The following SCPEP1 variants were observed in gnomAD, a reference collection of about 807,000 sequenced individuals.
SCPEP1 encodes serine carboxypeptidase 1.
In SCPEP1, 51 loss-of-function variants were observed where a neutral mutation model predicts 63.8. The observed-to-expected ratio is 0.80, with a 90% confidence interval of 0.64 to 1.01. The LOEUF (loss-of-function observed/expected upper bound fraction) is 1.01, where lower values mean the gene tolerates loss of function less well. SCPEP1 is among the 50% of genes least tolerant of loss of function. The pLI, the probability that SCPEP1 is intolerant of heterozygous loss-of-function variation, is 0.00. For missense variants in SCPEP1, 499 were observed against 554.9 expected (o/e 0.90, Z 1.01); for synonymous variants, 204 against 207.8 (o/e 0.98, Z 0.16).
chr17:56,999,489 A>AC (rs1398566882), intron 10 of SCPEP1, among the ~76,000 whole-genome samples: 1 of 152,116 alleles, frequency 6.6e-6, no homozygotes, highest in East Asian at 1.9e-4. Flanking sequence ...TGTTCAAGAT[A>AC]CCCCAAGGAT....
At chr17:57,004,087 T>C (rs1367952597) in intron 12 of SCPEP1, among the ~76,000 whole-genome samples, 1 of 152,172 alleles carries the variant, frequency 6.6e-6, no homozygotes, top group African/African-American at 2.4e-5. Flanking sequence ...TAATCCCAGC[T>C]ACTCAGGAGG....
At chr17:57,005,236 G>A (rs116826865) in intron 12 of SCPEP1, among the ~76,000 whole-genome samples, 45 of 152,248 alleles carry the variant, frequency 3.0e-4, no homozygotes, top group African/African-American at 9.9e-4. Flanking sequence ...TTCCAATGAG[G>A]GATGCTCAGC....
chr17:57,004,701 G>C (rs148677153), intron 12 of SCPEP1, among the ~76,000 whole-genome samples: 1 of 152,060 alleles, frequency 6.6e-6, no homozygotes, highest in African/African-American at 2.4e-5. Flanking sequence ...AGGTACTTTC[G>C]TACAATATTT....
In SCPEP1 at chr17:56,981,195, A is replaced by T. The variant is rs1598112650; in HGVS notation, c.190A>T (p.Asn64Tyr). Residue 64 changes from asparagine to tyrosine, a missense_variant, in exon 2 of 13, where the codon AAC (asparagine) becomes TAC (tyrosine). By Grantham distance (143) the Asn-to-Tyr change is moderately radical (BLOSUM62 -2). Coordinates refer to ENST00000262288, the MANE Select transcript of SCPEP1 (RefSeq NM_021626.3). ...CTATTATGCCACCAACTCCTGCAAG[A>T]ACTTCTCAGAACTGCCCCTGGTCAT... ...WLYYATNSCK[N>Y]FSELPLVMWL... The T allele has an allele frequency of 6.2e-7, 1 of 1,614,166 alleles. No individual in the cohort carries two copies. The highest frequency in any genetic ancestry group is 1.7e-5 in the Admixed American group (1 of 60,024).
At chr17:56,985,160 C>T (rs1777642219) in intron 2 of SCPEP1, 1 of 582,674 alleles carries the variant, frequency 1.7e-6, no homozygotes, top group Admixed American at 3.1e-5. Flanking sequence ...CATTGTGGAC[C>T]TCTTAGCTCA....
intron 3 of SCPEP1, 190 bp from the exon 4 acceptor site, chr17:56,987,505 T>G: frequency 2.1e-6 from 1 of 479,630 alleles, no homozygotes. Context: ...GGTTGGCCTT[T>G]CTTTGTTTTT....
intron 7 of SCPEP1, chr17:56,995,250 C>T: frequency 1.8e-6 from 1 of 564,176 alleles, no homozygotes; most frequent in South Asian, 2.6e-5. Flanking sequence ...CACATTTTTC[C>T]AATGCCCTAA....
chr17:57,000,861 C>T lies in SCPEP1; in HGVS notation c.1001C>T (p.Ala334Val), dbSNP rs1266400302. The change falls in exon 11 of 13, where the codon GCT becomes GTT. Residue 334 changes from alanine to valine, a missense_variant. Transcript: ENST00000262288. ...IPEDQSWGGQ[A>V]TNVFVNMEED... ...TCTCCTTCCCCATGTGCAGGCCAGG[C>T]TACCAACGTCTTTGTGAACATGGAG... The T allele has an allele frequency of 1.9e-6, 3 of 1,614,134 alleles. No homozygotes were observed. In the South Asian group the frequency reaches 3.3e-5, roughly 18 times the overall value.
intron 6 of SCPEP1, among the ~76,000 whole-genome samples, chr17:56,994,094 T>C (rs1911476121): frequency 6.6e-6 from 1 of 152,224 alleles, no homozygotes; most frequent in South Asian, 2.1e-4. Flanking sequence ...CCTAGCACTT[T>C]GGGAGACCAA....
At chr17:56,993,551 C>A (rs1911460504) in intron 6 of SCPEP1, among the ~76,000 whole-genome samples, 1 of 152,220 alleles carries the variant, frequency 6.6e-6, no homozygotes, top group Non-Finnish European at 1.5e-5. Flanking sequence ...TTAAGCAATT[C>A]TCCTGTCTCA....
intron 6 of SCPEP1, among the ~76,000 whole-genome samples, chr17:56,994,240 A>T (rs986559701): frequency 1.3e-5 from 2 of 152,226 alleles, no homozygotes; most frequent in Admixed American, 6.5e-5. Flanking sequence ...TTTTAAGCTA[A>T]GGAGAGACAT....
intron 12 of SCPEP1, among the ~76,000 whole-genome samples, chr17:57,005,068 A>G (rs1174741491): frequency 6.6e-6 from 1 of 152,262 alleles, no homozygotes; most frequent in Non-Finnish European, 1.5e-5. Context: ...TTTGATTAAA[A>G]GGTTACTGTA....
At position 57,000,866 on chromosome 17, in the gene SCPEP1, A is replaced by G; in HGVS notation, c.1006A>G (p.Asn336Asp). Reference sequence around the variant, plus strand: ...TTCCCCATGTGCAGGCCAGGCTACCAACGTCTTTGTGAACATGGAGGAGGA... The same window carrying G: ...TTCCCCATGTGCAGGCCAGGCTACCGACGTCTTTGTGAACATGGAGGAGGA... ...EDQSWGGQAT[N>D]VFVNMEEDFM... Residue 336 changes from asparagine (N) to aspartate (D), a missense_variant, in exon 11 of 13, where the codon AAC (asparagine) becomes GAC (aspartate). Physicochemically the swap from Asn to Asp is conservative, Grantham distance 23. Transcript: ENST00000262288. 1 of 1,614,160 alleles carries G rather than the reference A, an allele frequency of 6.2e-7. No homozygotes were observed. Among genetic ancestry groups the G allele is most frequent in the South Asian group, 1.1e-5 (1 of 91,082 alleles).
Position 56,995,567 on chromosome 17 carries a change from GC to G in SCPEP1, c.720del (p.Val241Ter), listed in dbSNP as rs1309413436. ...TAAGGTTGCAGAGCAAGTACTGAAT[GC>G]CGTAAATAAGGGGCTCTACAGAGAG... is the stretch of plus-strand genomic sequence containing the variant. ...VSKVAEQVLN[A>X]VNKGLYREAT... On this transcript the variant is annotated frameshift_variant, in exon 8 of 13. Transcript: ENST00000262288. LOFTEE classifies it high-confidence loss of function. 1 of 1,614,108 alleles carries G rather than the reference GC, an allele frequency of 6.2e-7. No homozygotes were observed. The highest frequency in any genetic ancestry group is 1.1e-5 in the South Asian group (1 of 91,078).
chr17:56,981,642 C>G (rs951987861), intron 2 of SCPEP1, among the ~76,000 whole-genome samples: 1 of 152,130 alleles, frequency 6.6e-6, no homozygotes, highest in African/African-American at 2.4e-5. Flanking sequence ...TAGTGAAACG[C>G]TGTCTCTACT....
At chr17:56,979,141 G>A (rs1445081588) in intron 1 of SCPEP1, among the ~76,000 whole-genome samples, 1 of 152,150 alleles carries the variant, frequency 6.6e-6, no homozygotes, top group Admixed American at 6.5e-5. Flanking sequence ...GACACTTTCT[G>A]GTTTTCTTAA....
intron 10 of SCPEP1, among the ~76,000 whole-genome samples, chr17:56,998,783 C>G (rs1911652082): frequency 6.6e-6 from 1 of 151,804 alleles, no homozygotes; most frequent in Non-Finnish European, 1.5e-5. Flanking sequence ...AAAGCCCCAT[C>G]TCTTTAAAAA....
chr17:57,001,901 C>G (rs954323349), intron 11 of SCPEP1, 117 bp from the exon 12 acceptor site: 11 of 1,048,282 alleles, frequency 1.0e-5, no homozygotes, highest in Non-Finnish European at 1.5e-5. Context: ...TTAACAAGAT[C>G]CTGAGTGAGT....
intron 8 of SCPEP1, 43 bp downstream of exon 8, chr17:56,995,678 T>G (rs1175842079): frequency 1.2e-6 from 2 of 1,606,196 alleles, no homozygotes. Context: ...CTTGGCTTTT[T>G]CTGGTGGGTA....
Sources: allele counts gnomAD v4.1 joint callset (sites outside exome capture counted in the v4.1 genomes callset), GRCh38; gene constraint gnomAD v4.1.1; transcripts MANE v1.5; gene names NCBI Gene and HGNC (gene_info 2026-07-23, HGNC 2026-07-21).